Variants in PSG3 observed in about 807,000 individuals in gnomAD.
The protein encoded by PSG3 is pregnancy-specific beta-1-glycoprotein 3.
Under a neutral mutation model 47.5 loss-of-function variants are expected in PSG3, and 61 were observed. The ratio of observed to expected loss-of-function variants is 1.28; its 90% CI spans 1.05 to 1.59. The LOEUF (loss-of-function observed/expected upper bound fraction) is 1.59, where lower values mean the gene tolerates loss of function less well. PSG3 is among the 40% of genes most tolerant of loss of function. The pLI, the probability that PSG3 is intolerant of heterozygous loss-of-function variation, is 0.00. For synonymous variants in PSG3, 263 were observed against 198.4 expected (o/e 1.33, Z -2.74); for missense variants, 756 against 524.0 (o/e 1.44, Z -4.32).
At chr19:42,730,627 G>A (rs1359240130) in intron 3 of PSG3, among the ~76,000 whole-genome samples, 2 of 152,230 alleles carry the variant, frequency 1.3e-5, no homozygotes, top group African/African-American at 2.4e-5. Context: ...CAGTCATCAG[G>A]CAGTGGAGGC....
At position 42,740,459 on chromosome 19, in the gene PSG3, G is replaced by C; in HGVS notation, c.-75C>G. 6.2e-7 allele frequency: 1 copy of C among 1,612,760 alleles called. No homozygotes were observed. Among genetic ancestry groups the C allele is most frequent in the Non-Finnish European group, 8.5e-7 (1 of 1,179,444 alleles). ...AGAAACTTCCTGAGCATGGCTCTCAGCTGTGCTGTCCTTCCTCCTTCTGCG... is the reference window on the plus strand; with the variant it reads ...AGAAACTTCCTGAGCATGGCTCTCACCTGTGCTGTCCTTCCTCCTTCTGCG... On this transcript the variant is annotated 5_prime_UTR_variant, in exon 1 of 7. Transcript: ENST00000327495.
At chr19:42,739,695 G>GT (rs201786025) in intron 1 of PSG3, among the ~76,000 whole-genome samples, 10 of 152,068 alleles carry the variant, frequency 6.6e-5, no homozygotes, top group South Asian at 4.2e-4. Flanking sequence ...AGTTGTTGAG[G>GT]TTTTTTTGCT....
chr19:42,734,406 G>T (rs566836138), intron 2 of PSG3, among the ~76,000 whole-genome samples: 1 of 152,218 alleles, frequency 6.6e-6, no homozygotes, highest in Non-Finnish European at 1.5e-5. Flanking sequence ...GAGCATTTCA[G>T]ATTGTGGATT....
chr19:42,738,047 C>T (rs1242916386), intron 2 of PSG3, among the ~76,000 whole-genome samples: 1 of 152,212 alleles, frequency 6.6e-6, no homozygotes, highest in Non-Finnish European at 1.5e-5. Context: ...CTTCTGGGGA[C>T]ATTAGACTTT....
intron 3 of PSG3, among the ~76,000 whole-genome samples, chr19:42,731,134 G>A (rs1350011422): frequency 1.3e-5 from 2 of 152,160 alleles, no homozygotes; most frequent in South Asian, 4.2e-4. Context: ...GTTCATGGGT[G>A]GGCAGTTTCA....
At chr19:42,732,591 C>A (rs1438462086) in intron 3 of PSG3, 193 bp downstream of exon 3, 7 of 1,321,878 alleles carry the variant, frequency 5.3e-6, no homozygotes, top group Non-Finnish European at 7.3e-6. Context: ...ATGACAGGAG[C>A]AGCCTCTTTT....
In PSG3 at chr19:42,732,767, G is replaced by A. The variant is rs1331052048; in HGVS notation, c.709+17C>T. On this transcript the variant is annotated intron_variant, in intron 3 of 6. Transcript: ENST00000327495. ...TGGGATGGCAGACTGGCTCACAGAGGAACAGGAGATACTCACGGAGGAGAT... is the reference window on the plus strand; with the variant it reads ...TGGGATGGCAGACTGGCTCACAGAGAAACAGGAGATACTCACGGAGGAGAT... The A allele has an allele frequency of 1.2e-6, 2 of 1,614,148 alleles. No individual in the cohort carries two copies. Among genetic ancestry groups the A allele is most frequent in the Non-Finnish European group, 1.7e-6 (2 of 1,180,014 alleles).
At chr19:42,733,622 T>G in intron 2 of PSG3, 1 of 157,724 alleles carries the variant, frequency 6.3e-6, no homozygotes. Flanking sequence ...TTCAGTTCAG[T>G]CATCAGGCAG....
Position 42,732,923 on chromosome 19 carries a change from A to G in PSG3, c.570T>C (p.Thr190=). The G allele has an allele frequency of 6.2e-7, 1 of 1,614,108 alleles. No individual in the cohort carries two copies. Among genetic ancestry groups the G allele is most frequent in the Non-Finnish European group, 8.5e-7 (1 of 1,180,002 alleles). Residue 190 remains threonine, a synonymous_variant, in exon 3 of 7, where the codon ACT becomes ACC. Coordinates refer to ENST00000327495, the MANE Select transcript of PSG3 (RefSeq NM_021016.4). ...WWMNGQSLPM[T]HSLQLSKNKR... ...TGTTTTTGGACAACTGCAAGCTGTG[A>G]GTCATAGGGAGGCTCTGACCATTCA...
intron 3 of PSG3, among the ~76,000 whole-genome samples, chr19:42,730,708 C>T (rs1278582693): frequency 3.3e-5 from 5 of 152,192 alleles, no homozygotes; most frequent in Admixed American, 3.3e-4. Flanking sequence ...AAAGATAGAG[C>T]AGAGTGCAAG....
intron 1 of PSG3, chr19:42,739,542 TC>T (rs951224384): frequency 1.2e-5 from 2 of 170,946 alleles, no homozygotes; most frequent in Non-Finnish European, 2.6e-5. Context: ...ATGTCTGTCT[TC>T]CCCCCCATGA....
intron 2 of PSG3, among the ~76,000 whole-genome samples, chr19:42,734,884 T>C (rs1229534354): frequency 6.6e-6 from 1 of 152,228 alleles, no homozygotes; most frequent in Non-Finnish European, 1.5e-5. Flanking sequence ...AAAACAGGTA[T>C]GTGAAATGCT....
chr19:42,728,954 G>C (rs1063008), intron 5 of PSG3, among the ~76,000 whole-genome samples, 169 bp downstream of exon 5: 1 of 151,356 alleles, frequency 6.6e-6, no homozygotes, highest in Non-Finnish European at 1.5e-5. Context: ...GAAAAACAAG[G>C]AGAAGAGAGT....
In PSG3 at chr19:42,740,460, C is replaced by A; in HGVS notation, c.-76G>T. 1.2e-6 allele frequency: 2 copies of A among 1,612,162 alleles called. No homozygotes were observed. Among genetic ancestry groups the A allele is most frequent in the Non-Finnish European group, 1.7e-6 (2 of 1,179,148 alleles). On this transcript the variant is annotated 5_prime_UTR_variant, in exon 1 of 7. Transcript: ENST00000327495. ...GAAACTTCCTGAGCATGGCTCTCAG[C>A]TGTGCTGTCCTTCCTCCTTCTGCGC...
intron 2 of PSG3, among the ~76,000 whole-genome samples, chr19:42,734,490 T>C (rs1201370950): frequency 6.6e-6 from 1 of 152,204 alleles, no homozygotes; most frequent in African/African-American, 2.4e-5. Flanking sequence ...AGACCTTATG[T>C]TCTGACTCTA....
chr19:42,735,361 C>G (rs1015772014), intron 2 of PSG3, among the ~76,000 whole-genome samples: 4 of 151,796 alleles, frequency 2.6e-5, no homozygotes, highest in African/African-American at 9.7e-5. Flanking sequence ...TTCTTCATGT[C>G]TCTAAAAACA....
At chr19:42,734,875 A>G (rs1969536712) in intron 2 of PSG3, among the ~76,000 whole-genome samples, 1 of 152,220 alleles carries the variant, frequency 6.6e-6, no homozygotes, top group Non-Finnish European at 1.5e-5. Context: ...GAGGACCCCA[A>G]AACAGGTATG....
chr19:42,724,526 G>A (rs1969344928), intron 5 of PSG3, among the ~76,000 whole-genome samples: 1 of 152,166 alleles, frequency 6.6e-6, no homozygotes, highest in Non-Finnish European at 1.5e-5. Context: ...AGTTCTCTGA[G>A]GCTCTCTTTA....
rs1466933545 is a variant in PSG3, at chr19:42,729,840, T to C, written c.926A>G (p.Gln309Arg). Residue 309 changes from glutamine (Q) to arginine (R), a missense_variant, in exon 4 of 7, where the codon CAA (glutamine) becomes CGA (arginine). Transcript: ENST00000327495. Reference protein sequence around the residue: ...SVTRNETGPYQCEIQDRYGGI... With the variant: ...SVTRNETGPYRCEIQDRYGGI... ...ACCATATCGGTCCTGTATTTCACATTGATAGGGTCCTGTTTCATTTCTCGT... is the reference window on the plus strand; with the variant it reads ...ACCATATCGGTCCTGTATTTCACATCGATAGGGTCCTGTTTCATTTCTCGT... 4.3e-6 allele frequency: 7 copies of C among 1,613,450 alleles called. No homozygotes were observed. Among genetic ancestry groups the C allele is most frequent in the Middle Eastern group, 1.7e-4 (1 of 5,758 alleles).
Sources: gnomAD v4.1 joint callset for allele counts (sites outside exome capture counted in the v4.1 genomes callset) on GRCh38, gnomAD v4.1.1 for gene constraint, MANE v1.5 for transcripts, NCBI Gene and HGNC (gene_info 2026-07-23, HGNC 2026-07-21) for gene names.